Variants in HRH2 observed in about 807,000 individuals in gnomAD.
HRH2 encodes histamine H2 receptor.
HRH2 carries 4 observed loss-of-function variants against 20.1 expected under a neutral mutation model. That is an observed-to-expected ratio of 0.20 (90% confidence interval 0.10 to 0.45). The LOEUF is 0.45. Ranked by LOEUF, HRH2 falls within the 20% of genes least tolerant of loss-of-function variation. The pLI is 0.99. For synonymous variants in HRH2, 197 were observed against 200.7 expected, an observed-to-expected ratio of 0.98 and a Z score of 0.16; for missense variants, 250 against 461.6, an observed-to-expected ratio of 0.54 and a Z score of 4.20.
chr5:175,707,294 G>A (rs548875958), intron 2 of HRH2, among the ~76,000 whole-genome samples: 39 of 152,256 alleles, frequency 2.6e-4, no homozygotes, highest in African/African-American at 8.7e-4. Flanking sequence ...GCCAGGCATA[G>A]TGGCACGCAC....
At chr5:175,689,110 T>C (rs1020584841) in intron 2 of HRH2, among the ~76,000 whole-genome samples, 13 of 152,172 alleles carry the variant, frequency 8.5e-5, no homozygotes, top group Non-Finnish European at 1.3e-4. Context: ...GGCCCCTGAC[T>C]AGCTCTCTGA....
intron 1 of HRH2, among the ~76,000 whole-genome samples, chr5:175,672,670 T>C (rs575962181): frequency 6.6e-6 from 1 of 152,292 alleles, no homozygotes; most frequent in South Asian, 2.1e-4. Flanking sequence ...TATGTGCCTG[T>C]TGGGGAGCAA....
In HRH2 at chr5:175,710,275, T is replaced by C. The variant is rs1274893396; in HGVS notation, c.*2304T>C. On this transcript the variant is annotated 3_prime_UTR_variant, in exon 3 of 3. Coordinates refer to ENST00000636584, the MANE Select transcript of HRH2 (RefSeq NM_001367711.1). ...ATGGTAGGAGCTTAATAAATATGTG[T>C]TGGATGAATGATCAGAGAAAAGAGA... 5 of 152,298 alleles carry C rather than the reference T, an allele frequency of 3.3e-5. No individual in the cohort carries two copies. Among genetic ancestry groups the C allele is most frequent in the Non-Finnish European group, 7.3e-5 (5 of 68,112 alleles). The allele number at this position is 152,298 out of a possible 1,614,324, so 9.4% of individuals were successfully genotyped here.
intron 2 of HRH2, among the ~76,000 whole-genome samples, chr5:175,698,235 AC>A (rs1233263234): frequency 1.1e-4 from 17 of 152,208 alleles, no homozygotes; most frequent in African/African-American, 3.9e-4. Context: ...GTTGCTGGAG[AC>A]CAGCAGCCCT....
At chr5:175,690,643 G>T (rs1033397688) in intron 2 of HRH2, among the ~76,000 whole-genome samples, 1 of 152,176 alleles carries the variant, frequency 6.6e-6, no homozygotes, top group Non-Finnish European at 1.5e-5. Context: ...AAAGTGGACA[G>T]TTGGGTGGTT....
At chr5:175,688,250 C>T (rs923199139) in intron 2 of HRH2, among the ~76,000 whole-genome samples, 4 of 152,222 alleles carry the variant, frequency 2.6e-5, no homozygotes, top group African/African-American at 4.8e-5. Context: ...CCTTTTGCCG[C>T]GTAAGGTAAC....
chr5:175,699,722 C>T (rs1255157145), intron 2 of HRH2, among the ~76,000 whole-genome samples: 4 of 152,090 alleles, frequency 2.6e-5, no homozygotes, highest in African/African-American at 9.7e-5. Flanking sequence ...TACAGGCGCC[C>T]ACCACCACGC....
intron 2 of HRH2, among the ~76,000 whole-genome samples, chr5:175,691,742 G>T (rs940914976): frequency 2.0e-5 from 3 of 152,084 alleles, no homozygotes; most frequent in Non-Finnish European, 4.4e-5. Flanking sequence ...AATTAGCTGG[G>T]CGTGGTGGCA....
At chr5:175,672,496 T>TA (rs2113492598) in intron 1 of HRH2, among the ~76,000 whole-genome samples, 1 of 152,348 alleles carries the variant, frequency 6.6e-6, no homozygotes, top group East Asian at 1.9e-4. Flanking sequence ...TGAATAGTGG[T>TA]ACCCACATAA....
At chr5:175,706,488 C>G (rs1756943923) in intron 2 of HRH2, among the ~76,000 whole-genome samples, 1 of 152,176 alleles carries the variant, frequency 6.6e-6, no homozygotes, top group Admixed American at 6.5e-5. Context: ...TGGTTATTTC[C>G]TAGCCTAGAG....
In HRH2 at chr5:175,710,014, G is replaced by C. The variant is rs764901950; in HGVS notation, c.*2043G>C. The C allele has an allele frequency of 6.6e-6, 1 of 152,344 alleles. No individual in the cohort carries two copies. Among genetic ancestry groups the C allele is most frequent in the African/African-American group, 2.4e-5 (1 of 41,434 alleles). The allele number at this position is 152,344 out of a possible 1,614,324, so 9.4% of individuals were successfully genotyped here. On this transcript the variant is annotated 3_prime_UTR_variant, in exon 3 of 3. Transcript: ENST00000636584. ...CTCAAAGCTGTTTCCGTGAGGAAAG[G>C]CTCCTCCTGCTCATTTTAGTGCCCT...
rs1382324716 is a variant in HRH2 at position 175,683,883 on chromosome 5, A to G, written c.650A>G (p.Asn217Ser). The G allele has an allele frequency of 1.9e-6, 3 of 1,614,182 alleles. No homozygotes were observed. The highest frequency in any genetic ancestry group is 2.2e-5 in the South Asian group (2 of 91,084). The change falls in exon 2 of 3, where the codon AAT (asparagine) becomes AGT (serine). Residue 217 changes from asparagine to serine, a missense_variant. Asn to Ser is a conservative substitution (Grantham distance 46). This residue lies in a region of HRH2 where 58 missense variants were observed against 166.8 expected (regional missense o/e 0.35). Transcript: ENST00000636584. ...KVARDQAKRINHISSWKAATI... is the reference protein window; with the variant it reads ...KVARDQAKRISHISSWKAATI... ...GCCCGGGATCAGGCCAAGAGGATCA[A>G]TCACATTAGCTCCTGGAAGGCAGCC...
chr5:175,664,938 C>T lies in HRH2; in HGVS notation c.-526+6783C>T, dbSNP rs537476110. Among the ~76,000 whole-genome samples the T allele has an allele frequency of 1.6e-4, 25 of 152,302 alleles. 1 individual carries two copies. The South Asian group carries it at 1.9e-3, about 11-fold the overall frequency. Reference sequence around the variant, plus strand: ...CAGGCGTGAGCCACCGCACACGGCCCGCACAAAAGGATTTTCAGCTGAGGA... The same window carrying T: ...CAGGCGTGAGCCACCGCACACGGCCTGCACAAAAGGATTTTCAGCTGAGGA... On this transcript the variant is annotated intron_variant, in intron 1 of 2. Transcript: ENST00000636584.
intron 2 of HRH2, among the ~76,000 whole-genome samples, chr5:175,690,408 G>T (rs1231967037): frequency 1.3e-5 from 2 of 152,166 alleles, no homozygotes; most frequent in Non-Finnish European, 2.9e-5. Context: ...TAATCATCAG[G>T]CTTCCACGGA....
At chr5:175,666,254 G>C (rs984990740) in intron 1 of HRH2, among the ~76,000 whole-genome samples, 12 of 152,170 alleles carry the variant, frequency 7.9e-5, no homozygotes, top group Middle Eastern at 3.2e-3. Context: ...CTGTGTTCCT[G>C]GAAGCGACAG....
intron 2 of HRH2, among the ~76,000 whole-genome samples, chr5:175,684,966 AG>A (rs1756119130): frequency 6.6e-6 from 1 of 152,140 alleles, no homozygotes; most frequent in African/African-American, 2.4e-5. Flanking sequence ...CCTTGGAAAG[AG>A]GGCTCTGGGT....
At chr5:175,688,002 T>C (rs1756230563) in intron 2 of HRH2, among the ~76,000 whole-genome samples, 1 of 152,192 alleles carries the variant, frequency 6.6e-6, no homozygotes, top group African/African-American at 2.4e-5. Flanking sequence ...AGAGCCTCCC[T>C]TTCCTTTACC....
chr5:175,678,572 T>G (rs773819541), intron 1 of HRH2, among the ~76,000 whole-genome samples: 18 of 152,242 alleles, frequency 1.2e-4, no homozygotes, highest in Non-Finnish European at 2.1e-4. Flanking sequence ...CGGCTCCCCT[T>G]GACTCCTCAC....
At position 175,683,968 on chromosome 5, in the gene HRH2, C is replaced by G. The variant is rs1756079034; in HGVS notation, c.735C>G (p.Ile245Met). 6.2e-7 allele frequency: 1 copy of G among 1,614,072 alleles called. No individual in the cohort carries two copies. Reference sequence around the variant, plus strand: ...CCGCCGTCATGGGGGCCTTCATCATCTGCTGGTTTCCCTACTTCACCGCGT... The same window carrying G: ...CCGCCGTCATGGGGGCCTTCATCATGTGCTGGTTTCCCTACTTCACCGCGT... ...TLAAVMGAFI[I>M]CWFPYFTAFV... Residue 245 changes from isoleucine (I) to methionine (M), a missense_variant, in exon 2 of 3, where the codon ATC (isoleucine) becomes ATG (methionine). Around this residue, in one of 5 missense-constraint regions of HRH2, gnomAD observed 58 missense variants for 166.8 expected, o/e 0.35. Transcript: ENST00000636584.
Sources: allele counts gnomAD v4.1 joint callset (sites outside exome capture counted in the v4.1 genomes callset), GRCh38; gene constraint gnomAD v4.1.1; regional missense constraint gnomAD v4.1.1; transcripts MANE v1.5; gene names NCBI Gene and HGNC (gene_info 2026-07-23, HGNC 2026-07-21).